The following NRXN3 variants were observed in gnomAD, a reference collection of about 807,000 sequenced individuals.
NRXN3 encodes neurexin 3.
Under a neutral mutation model 137.6 loss-of-function variants are expected in NRXN3, and 32 were observed. The observed-to-expected ratio is 0.23, with a 90% CI of 0.18 to 0.31. NRXN3 has a LOEUF of 0.31. NRXN3 is among the 10% of genes least tolerant of loss of function. NRXN3 has a pLI of 1.00. For synonymous variants in NRXN3, 798 were observed against 784.5 expected (o/e 1.02, Z -0.29); for missense variants, 1,574 against 2,062.5 (o/e 0.76, Z 4.59).
chr14:78,807,728 C>T (rs1251269714), intron 9 of NRXN3, among the ~76,000 whole-genome samples: 1 of 110,486 alleles, frequency 9.1e-6, no homozygotes, highest in Non-Finnish European at 1.7e-5. Context: ...AAGTGAGATT[C>T]TGTCTCAAAA....
intron 15 of NRXN3, among the ~76,000 whole-genome samples, chr14:79,449,511 G>A (rs2096127525): frequency 6.6e-6 from 1 of 152,154 alleles, no homozygotes; most frequent in African/African-American, 2.4e-5. Flanking sequence ...CAGTGAATGA[G>A]CTGTAATTTT....
intron 2 of NRXN3, chr14:78,250,033 G>C: frequency 8.0e-6 from 4 of 501,620 alleles, no homozygotes; most frequent in Non-Finnish European, 1.6e-5. Flanking sequence ...TGCTTTTCAT[G>C]CACTAGCTCT....
chr14:78,727,465 A>G (rs944209940), intron 8 of NRXN3, among the ~76,000 whole-genome samples: 1 of 152,154 alleles, frequency 6.6e-6, no homozygotes, highest in African/African-American at 2.4e-5. Context: ...GCTTTGGGCC[A>G]GGCACGGTGG....
At chr14:79,120,458 A>G (rs2055211314) in intron 15 of NRXN3, among the ~76,000 whole-genome samples, 1 of 152,076 alleles carries the variant, frequency 6.6e-6, no homozygotes. Context: ...GCTCATTGCC[A>G]CTATGTAAAC....
At chr14:79,521,888 G>A (rs2097068926) in intron 16 of NRXN3, among the ~76,000 whole-genome samples, 1 of 152,082 alleles carries the variant, frequency 6.6e-6, no homozygotes, top group African/African-American at 2.4e-5. Context: ...AATATTCCCA[G>A]TGTTCCTGAA....
At chr14:79,171,739 A>G (rs2061800144) in intron 15 of NRXN3, among the ~76,000 whole-genome samples, 1 of 152,128 alleles carries the variant, frequency 6.6e-6, no homozygotes. Context: ...TGGGGAAAAA[A>G]TGGCAAAAGA....
intron 10 of NRXN3, among the ~76,000 whole-genome samples, chr14:78,874,287 A>T (rs2152574624): frequency 6.6e-6 from 1 of 152,254 alleles, no homozygotes; most frequent in East Asian, 1.9e-4. Context: ...TGATTTTCAA[A>T]CATAGTTGAT....
At chr14:78,864,796 G>GT (rs2099082375) in intron 10 of NRXN3, among the ~76,000 whole-genome samples, 1 of 152,148 alleles carries the variant, frequency 6.6e-6, no homozygotes. Context: ...AGTGGGCATG[G>GT]CCTGATGGTA....
At chr14:79,466,942 T>A (rs1180582817) in intron 15 of NRXN3, among the ~76,000 whole-genome samples, 1 of 152,220 alleles carries the variant, frequency 6.6e-6, no homozygotes, top group Non-Finnish European at 1.5e-5. Context: ...AGACTTAGGA[T>A]GTTATTTACC....
At chr14:78,885,194 A>T (rs931008171) in intron 10 of NRXN3, among the ~76,000 whole-genome samples, 10 of 148,772 alleles carry the variant, frequency 6.7e-5, no homozygotes, top group African/African-American at 2.4e-4. Context: ...TATATAAATT[A>T]TGTATGTAAA....
At chr14:78,899,657 A>T (rs1042223958) in intron 10 of NRXN3, among the ~76,000 whole-genome samples, 1 of 152,020 alleles carries the variant, frequency 6.6e-6, no homozygotes, top group Non-Finnish European at 1.5e-5. Flanking sequence ...GTTCACATTC[A>T]TGAGAAAAAG....
intron 4 of NRXN3, among the ~76,000 whole-genome samples, chr14:78,537,037 T>C (rs1279820973): frequency 1.3e-5 from 2 of 152,232 alleles, no homozygotes; most frequent in Non-Finnish European, 2.9e-5. Context: ...TCCAAGTCTT[T>C]GCTATTGTGA....
intron 15 of NRXN3, among the ~76,000 whole-genome samples, chr14:79,043,992 A>G (rs1316572359): frequency 1.3e-5 from 2 of 152,288 alleles, no homozygotes; most frequent in Non-Finnish European, 2.9e-5. Flanking sequence ...GACCCACTAG[A>G]TATTAGTAGC....
intron 4 of NRXN3, among the ~76,000 whole-genome samples, chr14:78,379,710 G>T (rs1165841817): frequency 6.6e-6 from 1 of 152,180 alleles, no homozygotes; most frequent in Non-Finnish European, 1.5e-5. Context: ...CAGAATAACT[G>T]CTCTCTCAGC....
At chr14:79,295,895 T>G (rs914615256) in intron 15 of NRXN3, among the ~76,000 whole-genome samples, 1 of 152,184 alleles carries the variant, frequency 6.6e-6, no homozygotes, top group African/African-American at 2.4e-5. Flanking sequence ...TTTTTCGCTA[T>G]AGAAGTTTTC....
At chr14:79,106,209 T>C (rs1008684599) in intron 15 of NRXN3, among the ~76,000 whole-genome samples, 1 of 152,128 alleles carries the variant, frequency 6.6e-6, no homozygotes, top group African/African-American at 2.4e-5. Context: ...TCTCAGATAG[T>C]ATAATATCAG....
chr14:78,423,716 G>T (rs1300628954), intron 4 of NRXN3, among the ~76,000 whole-genome samples: 1 of 152,176 alleles, frequency 6.6e-6, no homozygotes, highest in Non-Finnish European at 1.5e-5. Context: ...GTCTCCACAT[G>T]TGCTAGAAAG....
Position 79,626,552 on chromosome 14 carries a change from C to T in NRXN3, c.3445-37226C>T, listed in dbSNP as rs370622509. On this transcript the variant is annotated intron_variant, in intron 16 of 20. Coordinates refer to ENST00000335750, the MANE Select transcript of NRXN3 (RefSeq NM_001330195.2). Reference sequence around the variant, plus strand: ...TCCATGAACCCACATTTTCTCACATCTTTAGATCAAAAACTCTTATTCTTC... The same window carrying T: ...TCCATGAACCCACATTTTCTCACATTTTTAGATCAAAAACTCTTATTCTTC... Among the ~76,000 whole-genome samples the T allele has an allele frequency of 4.6e-5, 7 of 152,240 alleles. No homozygotes were observed. In the East Asian group the frequency reaches 1.4e-3, roughly 29 times the overall value.
chr14:79,613,352 G>T (rs918018131), intron 16 of NRXN3, among the ~76,000 whole-genome samples: 6 of 152,172 alleles, frequency 3.9e-5, no homozygotes, highest in Non-Finnish European at 7.3e-5. Flanking sequence ...ATTGGTATGT[G>T]TGTAAGATTT....
Sources: gnomAD v4.1 joint callset for allele counts (sites outside exome capture counted in the v4.1 genomes callset) on GRCh38, gnomAD v4.1.1 for gene constraint, MANE v1.5 for transcripts, NCBI Gene and HGNC (gene_info 2026-07-23, HGNC 2026-07-21) for gene names.